Variants in PDE6D observed in about 807,000 individuals in gnomAD.
PDE6D encodes phosphodiesterase 6D.
A neutral mutation model predicts 21.9 loss-of-function variants in PDE6D; 10 were observed. The ratio of observed to expected loss-of-function variants is 0.46; its 90% CI spans 0.28 to 0.78. PDE6D has a LOEUF of 0.78. PDE6D is among the 30% of genes least tolerant of loss of function. The pLI is 0.12. For missense variants in PDE6D, 139 were observed against 184.8 expected, an observed-to-expected ratio of 0.75 and a Z score of 1.44; for synonymous variants, 59 against 63.5, an observed-to-expected ratio of 0.93 and a Z score of 0.34.
At chr2:231,767,564 C>T (rs910161114) in intron 1 of PDE6D, among the ~76,000 whole-genome samples, 1 of 152,164 alleles carries the variant, frequency 6.6e-6, no homozygotes, top group African/African-American at 2.4e-5. Context: ...ATCTGCCCGC[C>T]TTGGCCTCCC....
chr2:231,765,104 GAA>G (rs77929701), intron 1 of PDE6D, among the ~76,000 whole-genome samples: 19 of 133,816 alleles, frequency 1.4e-4, no homozygotes, highest in African/African-American at 2.2e-4. Context: ...CCACGGAAGG[GAA>G]AAAAAAAAAA....
chr2:231,780,530 G>GGGTGGGGTGC (rs1433861859), intron 1 of PDE6D, among the ~76,000 whole-genome samples: 19 of 152,298 alleles, frequency 1.2e-4, no homozygotes, highest in South Asian at 2.1e-4. Flanking sequence ...AACCAGACGG[G>GGGTGGGGTGC]GGTGGGGTGC....
intron 1 of PDE6D, among the ~76,000 whole-genome samples, chr2:231,756,695 C>T (rs1223101996): frequency 1.3e-5 from 2 of 150,780 alleles, no homozygotes; most frequent in African/African-American, 4.9e-5. Flanking sequence ...CTACCTTGGC[C>T]TCCCAAAGTG....
intron 1 of PDE6D, among the ~76,000 whole-genome samples, chr2:231,747,896 C>T (rs1214834247): frequency 1.3e-5 from 2 of 152,234 alleles, no homozygotes; most frequent in African/African-American, 2.4e-5. Context: ...TGCACTATTG[C>T]TTCTTCCTCA....
chr2:231,741,928 G>A (rs1419604226), intron 1 of PDE6D, among the ~76,000 whole-genome samples: 2 of 152,114 alleles, frequency 1.3e-5, no homozygotes, highest in Non-Finnish European at 2.9e-5. Context: ...CAACAAAACT[G>A]TCATTTTCCG....
At chr2:231,759,841 G>A (rs181024624) in intron 1 of PDE6D, among the ~76,000 whole-genome samples, 84 of 152,234 alleles carry the variant, frequency 5.5e-4, no homozygotes, top group African/African-American at 1.6e-3. Context: ...ATCCCTTTGC[G>A]GCTTCTTGGC....
At chr2:231,745,227 C>CAAAAAAA (rs1345230326) in intron 1 of PDE6D, among the ~76,000 whole-genome samples, 1 of 142,730 alleles carries the variant, frequency 7.0e-6, no homozygotes, top group Non-Finnish European at 1.5e-5. Flanking sequence ...AAAACAAAAA[C>CAAAAAAA]ACACAAAAAA....
At chr2:231,762,578 C>T (rs2048939870) in intron 1 of PDE6D, among the ~76,000 whole-genome samples, 1 of 152,036 alleles carries the variant, frequency 6.6e-6, no homozygotes, top group African/African-American at 2.4e-5. Context: ...CTCCTGACCT[C>T]AAGTGATCCT....
chr2:231,737,066 T>G, intron 4 of PDE6D, 121 bp downstream of exon 4: 1 of 530,104 alleles, frequency 1.9e-6, no homozygotes, highest in East Asian at 3.1e-5. Context: ...TACCCTTGGA[T>G]ACTCTTTTAC....
At chr2:231,757,252 T>C (rs902341802) in intron 1 of PDE6D, among the ~76,000 whole-genome samples, 1 of 152,092 alleles carries the variant, frequency 6.6e-6, no homozygotes, top group Non-Finnish European at 1.5e-5. Context: ...TGTCCCCTCC[T>C]GTGGACCAGG....
chr2:231,762,734 A>C (rs2106280057), intron 1 of PDE6D, among the ~76,000 whole-genome samples: 1 of 152,248 alleles, frequency 6.6e-6, no homozygotes, highest in East Asian at 1.9e-4. Flanking sequence ...TTTGTTTCAA[A>C]GTTTTTCATA....
At chr2:231,746,541 A>G (rs1456962191) in intron 1 of PDE6D, among the ~76,000 whole-genome samples, 1 of 152,222 alleles carries the variant, frequency 6.6e-6, no homozygotes, top group Non-Finnish European at 1.5e-5. Flanking sequence ...GTTTGTAACA[A>G]TCATCTATGA....
At chr2:231,759,224 G>C (rs2048907057) in intron 1 of PDE6D, among the ~76,000 whole-genome samples, 1 of 152,112 alleles carries the variant, frequency 6.6e-6, no homozygotes, top group Non-Finnish European at 1.5e-5. Flanking sequence ...AACCGAGGTG[G>C]GAGGATTGCT....
chr2:231,772,431 T>C (rs1216494966), intron 1 of PDE6D, among the ~76,000 whole-genome samples: 4 of 152,186 alleles, frequency 2.6e-5, no homozygotes, highest in Admixed American at 2.6e-4. Flanking sequence ...TCTTCCCAGC[T>C]CCAAAATTAT....
At chr2:231,736,185 A>G (rs775734958) in intron 4 of PDE6D, among the ~76,000 whole-genome samples, 2 of 152,186 alleles carry the variant, frequency 1.3e-5, no homozygotes, top group Admixed American at 6.5e-5. Flanking sequence ...AAAAAAATAA[A>G]ATAAACAAAA....
At chr2:231,748,479 T>C (rs1559316835) in intron 1 of PDE6D, among the ~76,000 whole-genome samples, 1 of 152,150 alleles carries the variant, frequency 6.6e-6, no homozygotes, top group Non-Finnish European at 1.5e-5. Context: ...TTCAGTTTTA[T>C]AAGGAAAGCA....
chr2:231,781,062 TAC>T lies in PDE6D; in HGVS notation c.50+1_50+2del, dbSNP rs764861504. The T allele has an allele frequency of 6.2e-7, 1 of 1,612,672 alleles. No individual in the cohort carries two copies. The highest frequency in any genetic ancestry group is 2.2e-5 in the East Asian group (1 of 44,800). On this transcript the variant is annotated splice_donor_variant, in intron 1 of 4. Transcript: ENST00000287600. LOFTEE classifies it high-confidence loss of function. ...CGGCCCCGCCCCGCTCCCGGACGGA[TAC>T]AGTTTGAAGCCCCTCAGGATCTCCC... is the stretch of plus-strand genomic sequence containing the variant.
rs2106294204 is a variant in PDE6D at position 231,781,090 on chromosome 2, T to C, written c.25A>G (p.Arg9Gly). The change falls in exon 1 of 5, where the codon AGG becomes GGG. Residue 9 changes from arginine to glycine, a missense_variant. By Grantham distance (125) the Arg-to-Gly change is moderately radical. Coordinates refer to ENST00000287600, the MANE Select transcript of PDE6D (RefSeq NM_002601.4). Reference sequence around the variant, plus strand: ...AGTTTGAAGCCCCTCAGGATCTCCCTGGCCCGCTCGTCCTTGGCTGACATG... The same window carrying C: ...AGTTTGAAGCCCCTCAGGATCTCCCCGGCCCGCTCGTCCTTGGCTGACATG... MSAKDERA[R>G]EILRGFKLNW... 1.2e-6 allele frequency: 2 copies of C among 1,613,524 alleles called. No individual in the cohort carries two copies. Among genetic ancestry groups the C allele is most frequent in the South Asian group, 1.1e-5 (1 of 91,070 alleles).
chr2:231,765,253 G>A (rs1163743559), intron 1 of PDE6D, among the ~76,000 whole-genome samples: 1 of 151,870 alleles, frequency 6.6e-6, no homozygotes, highest in Admixed American at 6.6e-5. Flanking sequence ...AGCCTGGGTG[G>A]CAAAGCAAGA....
Sources: gnomAD v4.1 joint callset for allele counts (sites outside exome capture counted in the v4.1 genomes callset) on GRCh38, gnomAD v4.1.1 for gene constraint, MANE v1.5 for transcripts, NCBI Gene and HGNC (gene_info 2026-07-23, HGNC 2026-07-21) for gene names.